The following ADAMTS20 variants were observed in gnomAD, a reference collection of about 807,000 sequenced individuals.
ADAMTS20 encodes the protein ADAM metallopeptidase with thrombospondin type 1 motif 20.
ADAMTS20 carries 225 observed loss-of-function variants against 260.1 expected under a neutral mutation model. The ratio of observed to expected loss-of-function variants is 0.87; its 90% CI spans 0.78 to 0.97. The LOEUF is 0.97. Ranked by LOEUF, ADAMTS20 falls within the 50% of genes least tolerant of loss-of-function variation. The probability of loss-of-function intolerance (pLI) is 0.00; values close to 1 mark genes in which losing one functional copy is unlikely to be tolerated. For missense variants in ADAMTS20, 2,400 were observed against 2,337.7 expected, an observed-to-expected ratio of 1.03 and a Z score of -0.55; for synonymous variants, 802 against 769.5, an observed-to-expected ratio of 1.04 and a Z score of -0.70.
chr12:43,518,767 C>A (rs545925826), intron 3 of ADAMTS20, among the ~76,000 whole-genome samples: 1 of 149,406 alleles, frequency 6.7e-6, no homozygotes, highest in African/African-American at 2.5e-5. Flanking sequence ...GTATTTCCCA[C>A]AGACTTCCTC....
chr12:43,482,035 C>A (rs1942450037), intron 7 of ADAMTS20, among the ~76,000 whole-genome samples: 1 of 151,932 alleles, frequency 6.6e-6, no homozygotes, highest in Non-Finnish European at 1.5e-5. Flanking sequence ...GTTAACCCTA[C>A]CCAGTGCTGC....
chr12:43,446,731 A>G lies in ADAMTS20; in HGVS notation c.2080-19T>C, dbSNP rs1333545484. On this transcript the variant is annotated intron_variant, in intron 14 of 38. Coordinates refer to ENST00000389420, the MANE Select transcript of ADAMTS20 (RefSeq NM_025003.5). The stretch of plus-strand genomic sequence containing the variant: ...CAGCTGCCTTCAAGACACAATTACA[A>G]TCAATATTATAAGAATGACTAATTA... 1 of 1,571,048 alleles carries G rather than the reference A, an allele frequency of 6.4e-7. No homozygotes were observed. The highest frequency in any genetic ancestry group is 8.8e-7 in the Non-Finnish European group (1 of 1,141,922).
chr12:43,537,473 C>T (rs1943312592), intron 2 of ADAMTS20, among the ~76,000 whole-genome samples: 1 of 151,996 alleles, frequency 6.6e-6, no homozygotes, highest in Admixed American at 6.6e-5. Context: ...AATGGGATAT[C>T]CACCTCCTGA....
intron 28 of ADAMTS20, among the ~76,000 whole-genome samples, chr12:43,412,284 C>T (rs953291800): frequency 6.6e-6 from 1 of 152,184 alleles, no homozygotes; most frequent in Non-Finnish European, 1.5e-5. Flanking sequence ...TACTATCCTA[C>T]ACTTACTCTT....
At chr12:43,386,909 G>A (rs1940491473) in intron 29 of ADAMTS20, among the ~76,000 whole-genome samples, 1 of 152,088 alleles carries the variant, frequency 6.6e-6, no homozygotes, top group Admixed American at 6.5e-5. Flanking sequence ...AAGGTTCTTG[G>A]CTTCCTTGCA....
chr12:43,365,437 G>A (rs1032934382), intron 37 of ADAMTS20, among the ~76,000 whole-genome samples: 8 of 151,836 alleles, frequency 5.3e-5, no homozygotes, highest in Non-Finnish European at 1.0e-4. Context: ...GTGTATATAA[G>A]TATATTATTG....
chr12:43,382,737 T>G (rs1940381316), intron 31 of ADAMTS20, among the ~76,000 whole-genome samples: 1 of 152,016 alleles, frequency 6.6e-6, no homozygotes, highest in African/African-American at 2.4e-5. Flanking sequence ...AGTAACTATG[T>G]TTCATATGTT....
chr12:43,430,805 T>C (rs1175578374), intron 22 of ADAMTS20, among the ~76,000 whole-genome samples: 1 of 152,226 alleles, frequency 6.6e-6, no homozygotes, highest in Non-Finnish European at 1.5e-5. Flanking sequence ...ACCTAGTGTA[T>C]GCATGTCATT....
At chr12:43,409,939 A>T (rs560886655) in intron 28 of ADAMTS20, among the ~76,000 whole-genome samples, 3 of 152,296 alleles carry the variant, frequency 2.0e-5, no homozygotes, top group African/African-American at 7.2e-5. Flanking sequence ...ATGCATTTGG[A>T]CTTCTCAATA....
rs1703006252 is a variant in ADAMTS20 at position 43,486,070 on chromosome 12, A to G, written c.1117+4325T>C. 2.6e-5 allele frequency among the ~76,000 whole-genome samples: 4 copies of G among 152,242 alleles called. No individual in the cohort carries two copies. The South Asian group carries it at 8.3e-4, about 32-fold the overall frequency. The stretch of plus-strand genomic sequence containing the variant: ...CAATATCATTTTTCAAAGAATTATA[A>G]AACAACAATTATAAAATTCATATAG... On this transcript the variant is annotated intron_variant, in intron 7 of 38. Transcript: ENST00000389420.
chr12:43,432,262 C>T, intron 21 of ADAMTS20, 42 bp downstream of exon 21: 1 of 1,573,494 alleles, frequency 6.4e-7, no homozygotes, highest in Non-Finnish European at 8.6e-7. Flanking sequence ...GCTTTACTAA[C>T]ACAATATTTT....
At chr12:43,438,485 T>C (rs1366787279) in intron 18 of ADAMTS20, among the ~76,000 whole-genome samples, 1 of 152,194 alleles carries the variant, frequency 6.6e-6, no homozygotes, top group Non-Finnish European at 1.5e-5. Flanking sequence ...ATCATTTCCT[T>C]GTATCCCTCC....
At chr12:43,529,364 G>A (rs1407889816) in intron 3 of ADAMTS20, among the ~76,000 whole-genome samples, 1 of 152,098 alleles carries the variant, frequency 6.6e-6, no homozygotes, top group Non-Finnish European at 1.5e-5. Context: ...TATGTTTATT[G>A]CAGTCAAATT....
In ADAMTS20 at chr12:43,452,273, C is replaced by T. The variant is rs561408794; in HGVS notation, c.2079+1G>A. On this transcript the variant is annotated splice_donor_variant, in intron 14 of 38. Coordinates refer to ENST00000389420, the MANE Select transcript of ADAMTS20 (RefSeq NM_025003.5). LOFTEE classifies it high-confidence loss of function. ...CTAATAGAAACTTATAGTTTACTTACCATACACTGGCCTTGAACACAGATG... is the reference window on the plus strand; with the variant it reads ...CTAATAGAAACTTATAGTTTACTTATCATACACTGGCCTTGAACACAGATG... 5 of 1,603,086 alleles carry T rather than the reference C, an allele frequency of 3.1e-6. No homozygotes were observed. The highest frequency in any genetic ancestry group is 1.7e-5 in the Admixed American group (1 of 57,280).
intron 16 of ADAMTS20, among the ~76,000 whole-genome samples, chr12:43,442,684 T>C (rs922139637): frequency 6.6e-6 from 1 of 152,262 alleles, no homozygotes; most frequent in African/African-American, 2.4e-5. Flanking sequence ...CATATATCTA[T>C]GTAAATGTAC....
intron 37 of ADAMTS20, among the ~76,000 whole-genome samples, chr12:43,364,109 A>T (rs1939932586): frequency 6.6e-6 from 1 of 152,156 alleles, no homozygotes; most frequent in Non-Finnish European, 1.5e-5. Context: ...CATGCCCAAG[A>T]CTGTGCCCAC....
intron 7 of ADAMTS20, among the ~76,000 whole-genome samples, chr12:43,490,186 A>C (rs1942579955): frequency 6.6e-6 from 1 of 152,024 alleles, no homozygotes; most frequent in African/African-American, 2.4e-5. Flanking sequence ...ACAGCATTTG[A>C]TATTGAGTAA....
At position 43,493,198 on chromosome 12, in the gene ADAMTS20, AC is replaced by A; in HGVS notation, c.922del (p.Val308Ter). 6.4e-7 allele frequency: 1 copy of A among 1,563,242 alleles called. No homozygotes were observed. The highest frequency in any genetic ancestry group is 8.7e-7 in the Non-Finnish European group (1 of 1,152,562). The stretch of plus-strand genomic sequence containing the variant: ...CTCACGGTGAATCATAACTAATTTT[AC>A]CACTACTATGTGTATCAAATTTCCA... ...SIGNLIHIVV[V>X]KLVMIHREEE... On this transcript the variant is annotated frameshift_variant, in exon 5 of 39. Transcript: ENST00000389420. LOFTEE classifies it high-confidence loss of function.
At position 43,439,697 on chromosome 12, in the gene ADAMTS20, G is replaced by T. The variant is rs766173672; in HGVS notation, c.2518C>A (p.Pro840Thr). The change falls in exon 18 of 39, where the codon CCT becomes ACT. Residue 840 changes from proline to threonine, a missense_variant. Pro to Thr is a conservative substitution (Grantham distance 38, BLOSUM62 -1). Coordinates refer to ENST00000389420, the MANE Select transcript of ADAMTS20 (RefSeq NM_025003.5). ...NPDVHYSFNI[P>T]LEERSDMFTW... ...AACATGTCACTCCTCTCTTCCAAAG[G>T]GATATTGAAGGAATAATGTACATCA... The T allele has an allele frequency of 6.2e-7, 1 of 1,613,574 alleles. No homozygotes were observed. Among genetic ancestry groups the T allele is most frequent in the East Asian group, 2.2e-5 (1 of 44,860 alleles).
Sources: allele counts gnomAD v4.1 joint callset (sites outside exome capture counted in the v4.1 genomes callset), GRCh38; gene constraint gnomAD v4.1.1; transcripts MANE v1.5; gene names NCBI Gene and HGNC (gene_info 2026-07-23, HGNC 2026-07-21).